Variants in RTN4RL1 observed in about 807,000 individuals in gnomAD.
RTN4RL1 encodes the protein reticulon 4 receptor like 1, also known as reticulon-4 receptor-like 1.
RTN4RL1 carries 7 observed loss-of-function variants against 25.6 expected under a neutral mutation model. The observed-to-expected ratio is 0.27, with a 90% CI of 0.16 to 0.51. The LOEUF (loss-of-function observed/expected upper bound fraction) is 0.51. RTN4RL1 is among the 20% of genes least tolerant of loss of function. RTN4RL1 has a pLI of 0.97. For synonymous variants in RTN4RL1, 297 were observed against 288.2 expected (o/e 1.03, Z -0.31); for missense variants, 500 against 615.6 (o/e 0.81, Z 1.99).
chr17:1,997,573 G>GA (rs1241283833), intron 1 of RTN4RL1, among the ~76,000 whole-genome samples: 1 of 152,232 alleles, frequency 6.6e-6, no homozygotes, highest in Non-Finnish European at 1.5e-5. Flanking sequence ...ACCACTGCAT[G>GA]AATGAGCAGT....
rs2066939272 is a variant in RTN4RL1, at chr17:1,998,301, G to A, written c.13+26552C>T. 3.3e-5 allele frequency among the ~76,000 whole-genome samples: 5 copies of A among 152,196 alleles called. No homozygotes were observed. Among genetic ancestry groups the A allele is most frequent in the African/African-American group, 1.2e-4 (5 of 41,466 alleles). The stretch of plus-strand genomic sequence containing the variant: ...CCCAAGGCCTCCCGCAGGCCGACCC[G>A]AGCCGAGCGCGCCCTTTGGGCACCG... On this transcript the variant is annotated intron_variant, in intron 1 of 1. Coordinates refer to ENST00000331238, the MANE Select transcript of RTN4RL1 (RefSeq NM_178568.4). This position sits in a 1 kb window ranked among gnomAD's most constrained non-coding sequence, Gnocchi z 4.9.
chr17:2,022,151 C>G (rs1180473729), intron 1 of RTN4RL1, among the ~76,000 whole-genome samples: 3 of 151,794 alleles, frequency 2.0e-5, no homozygotes, highest in Non-Finnish European at 4.4e-5. Flanking sequence ...CCCATCTCTA[C>G]TAAAAATACA....
intron 1 of RTN4RL1, among the ~76,000 whole-genome samples, chr17:1,974,687 C>A (rs1288829026): frequency 6.9e-6 from 1 of 144,536 alleles, no homozygotes; most frequent in Non-Finnish European, 1.5e-5. Context: ...AGAGCGAGAA[C>A]TTTGGTCAGG....
At chr17:1,982,191 T>C (rs1371285715) in intron 1 of RTN4RL1, among the ~76,000 whole-genome samples, 2 of 151,976 alleles carry the variant, frequency 1.3e-5, no homozygotes, top group Non-Finnish European at 2.9e-5. Context: ...ATCCCAGCTA[T>C]TCAGGAGGAT....
At chr17:1,954,573 A>G (rs1320671276) in intron 1 of RTN4RL1, among the ~76,000 whole-genome samples, 1 of 151,868 alleles carries the variant, frequency 6.6e-6, no homozygotes, top group Non-Finnish European at 1.5e-5. Context: ...TTTTTAGTAG[A>G]GACGGGGTTT....
At chr17:1,941,225 G>A (rs4239060) in intron 1 of RTN4RL1, among the ~76,000 whole-genome samples, 24,017 of 152,134 alleles carry the variant, frequency 0.16, 2,068 homozygotes, top group Non-Finnish European at 0.18. Context: ...ACATTTCCCC[G>A]TCAGACACAA....
At chr17:1,959,167 C>G (rs1438159635) in intron 1 of RTN4RL1, among the ~76,000 whole-genome samples, 1 of 152,182 alleles carries the variant, frequency 6.6e-6, no homozygotes, top group Non-Finnish European at 1.5e-5. Context: ...TGGCTGAGAC[C>G]CTTATACTCT....
chr17:1,939,042 T>C (rs1013650616), intron 1 of RTN4RL1, among the ~76,000 whole-genome samples: 1 of 146,766 alleles, frequency 6.8e-6, no homozygotes, highest in African/African-American at 2.5e-5. Flanking sequence ...TGAGATTCTG[T>C]CTCAAAAAAA....
In RTN4RL1 at chr17:1,935,658, C is replaced by T; in HGVS notation, c.*838G>A. The T allele has an allele frequency of 2.1e-6, 2 of 970,200 alleles. No individual in the cohort carries two copies. The highest frequency in any genetic ancestry group is 2.4e-6 in the Non-Finnish European group (2 of 824,434). The allele number at this position is 970,200 out of a possible 1,614,324, so 60.1% of individuals were successfully genotyped here. On this transcript the variant is annotated 3_prime_UTR_variant, in exon 2 of 2. Coordinates refer to ENST00000331238, the MANE Select transcript of RTN4RL1 (RefSeq NM_178568.4). The stretch of plus-strand genomic sequence containing the variant: ...TACAGTTTTCTGTATAGTTTATAAA[C>T]ATGAAAAGACGTACAGTTAGGTAAC...
At chr17:1,978,392 C>G (rs1004027012) in intron 1 of RTN4RL1, among the ~76,000 whole-genome samples, 4 of 152,254 alleles carry the variant, frequency 2.6e-5, no homozygotes, top group African/African-American at 9.6e-5. Flanking sequence ...TACACCTTCT[C>G]CTGTCCCCAG....
In RTN4RL1 at chr17:1,960,629, G is replaced by A. The variant is rs145510123; in HGVS notation, c.14-22821C>T. On this transcript the variant is annotated intron_variant, in intron 1 of 1. Transcript: ENST00000331238. ...CAATTCACTGGCACGCAGCATATTC[G>A]CAACTATCATCACTATCTGGCTCAG... is the stretch of plus-strand genomic sequence containing the variant. Among the ~76,000 whole-genome samples, 96 of 152,112 alleles carry A rather than the reference G, an allele frequency of 6.3e-4. 3 individuals carry two copies. In the East Asian group the frequency reaches 0.016, roughly 25 times the overall value.
intron 1 of RTN4RL1, among the ~76,000 whole-genome samples, chr17:1,952,375 C>T (rs568306667): frequency 7.3e-6 from 1 of 137,544 alleles, no homozygotes; most frequent in Non-Finnish European, 1.5e-5. Flanking sequence ...GTCACTCTGT[C>T]GCCCAGGCTG....
chr17:1,998,365 G>A lies in RTN4RL1; in HGVS notation c.13+26488C>T, dbSNP rs1221845596. Among the ~76,000 whole-genome samples, 6 of 152,188 alleles carry A rather than the reference G, an allele frequency of 3.9e-5. No individual in the cohort carries two copies. The highest frequency in any genetic ancestry group is 4.1e-4 in the South Asian group (2 of 4,832). On this transcript the variant is annotated intron_variant, in intron 1 of 1. Transcript: ENST00000331238. The surrounding 1 kb of genome is among the most constrained non-coding windows in gnomAD (Gnocchi z 4.9). Reference sequence around the variant, plus strand: ...GGGTCTTCTCGCTCTAGAGCCGGGGGCCCGCGCTGAGAGATCGGGGTTACC... The same window carrying A: ...GGGTCTTCTCGCTCTAGAGCCGGGGACCCGCGCTGAGAGATCGGGGTTACC...
At chr17:1,962,699 T>C (rs1424749288) in intron 1 of RTN4RL1, among the ~76,000 whole-genome samples, 7 of 151,772 alleles carry the variant, frequency 4.6e-5, no homozygotes, top group Non-Finnish European at 1.0e-4. Flanking sequence ...ACCTCGTCTC[T>C]ACTAAAAATA....
At chr17:2,007,140 A>G (rs1190978182) in intron 1 of RTN4RL1, among the ~76,000 whole-genome samples, 1 of 152,026 alleles carries the variant, frequency 6.6e-6, no homozygotes, top group Non-Finnish European at 1.5e-5. Flanking sequence ...TTGAAAGTCT[A>G]CAAATACATC....
intron 1 of RTN4RL1, among the ~76,000 whole-genome samples, chr17:1,999,142 TACACACAC>T (rs147931732): frequency 0.62 from 91,991 of 147,798 alleles, 28,646 homozygotes; most frequent in African/African-American, 0.68. Flanking sequence ...GTGCTCATCA[TACACACAC>T]ACACACACAC....
intron 1 of RTN4RL1, among the ~76,000 whole-genome samples, chr17:1,964,311 A>G (rs1170070750): frequency 6.6e-6 from 1 of 152,222 alleles, no homozygotes; most frequent in Non-Finnish European, 1.5e-5. Flanking sequence ...TTTTAGGCCC[A>G]GTGTGGCTCC....
intron 1 of RTN4RL1, among the ~76,000 whole-genome samples, chr17:1,983,346 G>A (rs549070974): frequency 1.3e-5 from 2 of 151,758 alleles, no homozygotes; most frequent in South Asian, 4.2e-4. Flanking sequence ...ACACCTGGCC[G>A]AGACCTCACA....
intron 1 of RTN4RL1, among the ~76,000 whole-genome samples, chr17:1,955,077 T>C (rs1200143253): frequency 6.6e-6 from 1 of 152,116 alleles, no homozygotes; most frequent in African/African-American, 2.4e-5. Flanking sequence ...TCTGTCAGCC[T>C]GAGCGCCGCC....
Sources: gnomAD v4.1 joint callset for allele counts (sites outside exome capture counted in the v4.1 genomes callset) on GRCh38, gnomAD v4.1.1 for gene constraint, Gnocchi (gnomAD v3.1) non-coding constraint, MANE v1.5 for transcripts, NCBI Gene and HGNC (gene_info 2026-07-23, HGNC 2026-07-21) for gene names.